The following PACRG variants were observed in gnomAD, a reference collection of about 807,000 sequenced individuals.
The protein encoded by PACRG is parkin coregulated gene protein.
Under a neutral mutation model 29.7 loss-of-function variants are expected in PACRG, and 29 were observed. That is an observed-to-expected ratio of 0.98 (90% confidence interval 0.73 to 1.33). PACRG has a LOEUF of 1.33. Ranked by LOEUF, PACRG falls within the 40% of genes most tolerant of loss-of-function variation. The probability of loss-of-function intolerance (pLI) is 0.00; values close to 1 mark genes in which losing one functional copy is unlikely to be tolerated. For synonymous variants in PACRG, 116 were observed against 118.7 expected, an observed-to-expected ratio of 0.98 and a Z score of 0.15; for missense variants, 279 against 316.2, an observed-to-expected ratio of 0.88 and a Z score of 0.89.
chr6:162,947,592 A>AT (rs1168821032), intron 2 of PACRG, among the ~76,000 whole-genome samples: 2,247 of 45,810 alleles, frequency 0.049, 173 homozygotes, highest in African/African-American at 0.12. Flanking sequence ...TCATATATAT[A>AT]ATCATATATA....
chr6:162,887,665 G>A (rs1326820627), intron 2 of PACRG, among the ~76,000 whole-genome samples: 1 of 152,136 alleles, frequency 6.6e-6, no homozygotes. Flanking sequence ...TTCATTTCTT[G>A]TCTAAATTGA....
chr6:162,806,618 T>C (rs553648120), intron 1 of PACRG, among the ~76,000 whole-genome samples: 14 of 152,284 alleles, frequency 9.2e-5, no homozygotes, highest in African/African-American at 3.1e-4. Flanking sequence ...GCAGTAGATC[T>C]CAACAGTGGG....
intron 2 of PACRG, among the ~76,000 whole-genome samples, chr6:162,926,234 G>A (rs571358042): frequency 3.3e-4 from 50 of 152,056 alleles, no homozygotes; most frequent in Admixed American, 1.2e-3. Flanking sequence ...ACTGCCCAAA[G>A]TAATTTATAG....
At chr6:162,916,021 T>C (rs1796672708) in intron 2 of PACRG, among the ~76,000 whole-genome samples, 1 of 152,192 alleles carries the variant, frequency 6.6e-6, no homozygotes, top group Admixed American at 6.5e-5. Context: ...GGTTTCCTCT[T>C]GTATCATTTT....
chr6:162,738,593 A>G (rs528507805), intron 1 of PACRG, among the ~76,000 whole-genome samples: 1 of 152,328 alleles, frequency 6.6e-6, no homozygotes, highest in East Asian at 1.9e-4. Flanking sequence ...CAATCTTTGT[A>G]GATCCTTACA....
rs561082344 is a variant in PACRG, at chr6:163,275,269, A to G, written c.614-39558A>G. 4.1e-4 allele frequency among the ~76,000 whole-genome samples: 62 copies of G among 152,270 alleles called. 2 individuals carry two copies. The South Asian group carries it at 0.012, about 29-fold the overall frequency. On this transcript the variant is annotated intron_variant, in intron 4 of 4. Transcript: ENST00000366888. ...CAGCAGCAAATGAACTCTATTTTCC[A>G]TCTTTTTCTCCCTTCTTCCTCTTAT...
At chr6:163,273,132 A>G (rs1329536658) in intron 4 of PACRG, among the ~76,000 whole-genome samples, 1 of 151,448 alleles carries the variant, frequency 6.6e-6, no homozygotes, top group Non-Finnish European at 1.5e-5. Context: ...TGACCTCGTG[A>G]TCCGCCCGCC....
At chr6:163,131,646 A>G (rs1437974907) in intron 4 of PACRG, among the ~76,000 whole-genome samples, 1 of 89,008 alleles carries the variant, frequency 1.1e-5, no homozygotes, top group Non-Finnish European at 3.5e-5. Context: ...CAGCTGTAAG[A>G]AACTAACATG....
At chr6:162,865,074 T>A (rs578209284) in intron 2 of PACRG, among the ~76,000 whole-genome samples, 95 of 152,296 alleles carry the variant, frequency 6.2e-4, no homozygotes, top group Non-Finnish European at 1.2e-3. Context: ...AACCGAACAT[T>A]TGTGAACATG....
chr6:162,734,669 TG>T (rs1310666209), intron 1 of PACRG, among the ~76,000 whole-genome samples: 2 of 152,200 alleles, frequency 1.3e-5, no homozygotes, highest in Non-Finnish European at 2.9e-5. Flanking sequence ...TTCCACTTAA[TG>T]TATAAATCTC....
intron 2 of PACRG, among the ~76,000 whole-genome samples, chr6:162,841,484 CT>C (rs984909264): frequency 6.6e-6 from 1 of 152,076 alleles, no homozygotes; most frequent in African/African-American, 2.4e-5. Flanking sequence ...ATTTTTCTCT[CT>C]TTTTTTCTTT....
intron 2 of PACRG, among the ~76,000 whole-genome samples, chr6:162,894,608 A>G (rs1795025816): frequency 6.6e-6 from 1 of 152,184 alleles, no homozygotes. Flanking sequence ...TGTGGCCTGC[A>G]AGGCTTCTCG....
intron 3 of PACRG, among the ~76,000 whole-genome samples, chr6:163,063,644 T>C (rs75471280): frequency 2.6e-5 from 4 of 152,318 alleles, no homozygotes; most frequent in African/African-American, 7.2e-5. Context: ...AAATCAACTC[T>C]GAAACTCTCC....
intron 4 of PACRG, among the ~76,000 whole-genome samples, chr6:163,253,356 G>A (rs557350097): frequency 7.3e-5 from 11 of 150,410 alleles, no homozygotes; most frequent in African/African-American, 2.7e-4. Context: ...AAAAATAGAT[G>A]AGCTCTTGTG....
At chr6:162,794,475 T>C (rs936999785) in intron 1 of PACRG, among the ~76,000 whole-genome samples, 2 of 152,190 alleles carry the variant, frequency 1.3e-5, no homozygotes, top group African/African-American at 4.8e-5. Flanking sequence ...TTTTTATACT[T>C]TATGGTGTGT....
At chr6:162,814,614 A>G (rs1199810320) in intron 2 of PACRG, among the ~76,000 whole-genome samples, 2 of 152,188 alleles carry the variant, frequency 1.3e-5, no homozygotes, top group East Asian at 1.9e-4. Context: ...TACGGAGAGC[A>G]ACAGCCATTT....
chr6:163,084,665 G>A (rs972410284), intron 3 of PACRG, among the ~76,000 whole-genome samples: 1 of 151,942 alleles, frequency 6.6e-6, no homozygotes, highest in Non-Finnish European at 1.5e-5. Context: ...TCACAACCAT[G>A]TTAATTCAGG....
chr6:162,966,601 TG>T (rs1230800915), intron 2 of PACRG, among the ~76,000 whole-genome samples: 1 of 151,656 alleles, frequency 6.6e-6, no homozygotes, highest in East Asian at 2.0e-4. Context: ...CTCAGTCTCA[TG>T]AGCAGCTGGG....
At chr6:162,916,996 T>G (rs776348587) in intron 2 of PACRG, among the ~76,000 whole-genome samples, 1 of 152,150 alleles carries the variant, frequency 6.6e-6, no homozygotes, top group African/African-American at 2.4e-5. Context: ...TTCCCAAAAG[T>G]TGGAACATCC....
Sources: allele counts gnomAD v4.1 joint callset (sites outside exome capture counted in the v4.1 genomes callset), GRCh38; gene constraint gnomAD v4.1.1; transcripts MANE v1.5; gene names NCBI Gene and HGNC (gene_info 2026-07-23, HGNC 2026-07-21).